NOTCH1: variants seen among roughly 807,000 people sequenced by gnomAD.
The protein encoded by NOTCH1 is notch receptor 1.
NOTCH1 carries 37 observed loss-of-function variants against 254.8 expected under a neutral mutation model. That is an observed-to-expected ratio of 0.15 (90% CI 0.11 to 0.19). The LOEUF is 0.19. NOTCH1 is among the 10% of genes least tolerant of loss of function. The pLI, the probability that NOTCH1 is intolerant of heterozygous loss-of-function variation, is 1.00. For synonymous variants in NOTCH1, 1,731 were observed against 1,618.1 expected, an observed-to-expected ratio of 1.07 and a Z score of -1.68; for missense variants, 2,972 against 3,708.6, an observed-to-expected ratio of 0.80 and a Z score of 5.16.
chr9:136,496,567 T>A lies in NOTCH1; in HGVS notation c.7172A>T (p.Gln2391Leu), dbSNP rs1169052272. ...TGGCTGCAGGTTCTGCTGCTGCATC[T>A]GTAAGTTTTGTGGCTGCACCTGCTG... The part of the protein sequence containing the change: ...QTQQVQPQNL[Q>L]MQQQNLQPAN... The change falls in exon 34 of 34, where the codon CAG (glutamine) becomes CTG (leucine). Residue 2391 changes from glutamine to leucine, a missense_variant. Physicochemically the swap from Gln to Leu is moderately radical, Grantham distance 113. Transcript: ENST00000651671. 5.6e-6 allele frequency: 9 copies of A among 1,611,808 alleles called. No individual in the cohort carries two copies. Among genetic ancestry groups the A allele is most frequent in the Non-Finnish European group, 7.6e-6 (9 of 1,179,992 alleles).
chr9:136,524,086 C>T (rs533858870), intron 2 of NOTCH1, 107 bp from the exon 3 acceptor site: 7 of 1,392,386 alleles, frequency 5.0e-6, no homozygotes, highest in East Asian at 2.5e-5. Context: ...CCCCACACCC[C>T]GGGCACGGGC....
Position 136,501,683 on chromosome 9 carries a change from G to A in NOTCH1, c.5638+65C>T, listed in dbSNP as rs780818452. The A allele has an allele frequency of 3.8e-4, 602 of 1,578,648 alleles. 3 individuals carry two copies. The highest frequency in any genetic ancestry group is 1.2e-4 in the Admixed American group (7 of 59,720). On this transcript the variant is annotated intron_variant, in intron 30 of 33. Coordinates refer to ENST00000651671, the MANE Select transcript of NOTCH1 (RefSeq NM_017617.5). ...GAGTATCAACTGTACCCCAGCCTCG[G>A]GGCTTAGGGGAGAGAGGCAGGTGGG...
In NOTCH1 at chr9:136,496,674, A is replaced by G. The variant is rs769606123; in HGVS notation, c.7065T>C (p.Ala2355=). The change falls in exon 34 of 34, where the codon GCT becomes GCC. Residue 2355 remains alanine, a synonymous_variant. Coordinates refer to ENST00000651671, the MANE Select transcript of NOTCH1 (RefSeq NM_017617.5). ...TCATCATCTGGGACAGGGCGCTGGCAGCAAGGCTACTGTGCAGCGGGCCTA... is the reference window on the plus strand; with the variant it reads ...TCATCATCTGGGACAGGGCGCTGGCGGCAAGGCTACTGTGCAGCGGGCCTA... ...GMVGPLHSSL[A]ASALSQMMSY... is the part of the protein sequence containing the mutation. 6.2e-7 allele frequency: 1 copy of G among 1,612,908 alleles called. No individual in the cohort carries two copies. The highest frequency in any genetic ancestry group is 1.7e-5 in the Admixed American group (1 of 60,028).
In NOTCH1 at chr9:136,504,689, G is replaced by T; in HGVS notation, c.5002C>A (p.Pro1668Thr). Residue 1668 changes from proline to threonine, a missense_variant, in exon 26 of 34, where the codon CCC becomes ACC. By Grantham distance (38) the Pro-to-Thr change is conservative. Coordinates refer to ENST00000651671, the MANE Select transcript of NOTCH1 (RefSeq NM_017617.5). ...EGGRRRRELD[P>T]MDVRGSIVYL... ...CTCACTCACCCGCGGACGTCCATGG[G>T]GTCCAGCTCCCTCCGCCGCCGCCCA... is the stretch of plus-strand genomic sequence containing the variant. The T allele has an allele frequency of 6.6e-7, 1 of 1,523,410 alleles. No individual in the cohort carries two copies. The highest frequency in any genetic ancestry group is 2.5e-5 in the East Asian group (1 of 40,546). 94.4% of individuals were successfully genotyped at this position (1,523,410 alleles called of 1,614,324 possible).
Position 136,540,773 on chromosome 9 carries a change from G to A in NOTCH1, c.140+3251C>T, listed in dbSNP as rs1188145337. 1.3e-5 allele frequency among the ~76,000 whole-genome samples: 2 copies of A among 152,168 alleles called. No individual in the cohort carries two copies. The highest frequency in any genetic ancestry group is 6.5e-5 in the Admixed American group (1 of 15,282). The stretch of plus-strand genomic sequence containing the variant: ...CTGGACATCCTCCTGGAGGTGCTGG[G>A]TGTGACAGCCTACCCCCATTTCTCC... On this transcript the variant is annotated intron_variant, in intron 2 of 33. Transcript: ENST00000651671. This position sits in a 1 kb window ranked among gnomAD's most constrained non-coding sequence, Gnocchi z 4.4.
At position 136,494,995 on chromosome 9, in the gene NOTCH1, C is replaced by G. The variant is rs1301137114; in HGVS notation, c.*1076G>C. 7.5e-6 allele frequency: 3 copies of G among 398,816 alleles called. No individual in the cohort carries two copies. Among genetic ancestry groups the G allele is most frequent in the Non-Finnish European group, 1.3e-5 (3 of 226,048 alleles). The allele number at this position is 398,816 out of a possible 1,614,324, so 24.7% of individuals were successfully genotyped here. On this transcript the variant is annotated 3_prime_UTR_variant, in exon 34 of 34. Transcript: ENST00000651671. ...ACGCAGCCCACGGCGTTGCACAGCT[C>G]AATGTGCCCGGCTCTGGCAAGTCTC...
intron 4 of NOTCH1, among the ~76,000 whole-genome samples, chr9:136,522,306 A>G (rs1378051746): frequency 6.6e-6 from 1 of 152,098 alleles, no homozygotes; most frequent in Non-Finnish European, 1.5e-5. Context: ...ACTCTTCCTT[A>G]TTTTTAGAGC....
Position 136,513,142 on chromosome 9 carries a change from G to C in NOTCH1, c.2354-8C>G, listed in dbSNP as rs779665060. 5 of 1,607,170 alleles carry C rather than the reference G, an allele frequency of 3.1e-6. No homozygotes were observed. In the African/African-American group the frequency reaches 4.0e-5, roughly 13 times the overall value. ...TGGTCTGGCAGTTGGGACCTGGAGG[G>C]AAGGGGACAGCACTCGGCATGTCCA... On this transcript the variant is annotated splice_polypyrimidine_tract_variant and splice_region_variant and intron_variant, in intron 14 of 33. Coordinates refer to ENST00000651671, the MANE Select transcript of NOTCH1 (RefSeq NM_017617.5). This position sits in a 1 kb window ranked among gnomAD's most constrained non-coding sequence, Gnocchi z 4.7.
In NOTCH1 at chr9:136,545,670, G is replaced by T; in HGVS notation, c.61+56C>A. 3 of 1,390,704 alleles carry T rather than the reference G, an allele frequency of 2.2e-6. No individual in the cohort carries two copies. The highest frequency in any genetic ancestry group is 1.9e-6 in the Non-Finnish European group (2 of 1,057,204). The allele number at this position is 1,390,704 out of a possible 1,614,324, so 86.1% of individuals were successfully genotyped here. A position where few individuals can be genotyped will look rare whatever the true frequency, so the allele number is the denominator to read the frequency against. ...CCGTGGGGCGCGCGCGCCGGGCGCC[G>T]CCAAAGTTTCCAAAGGGCGCGGAAA... On this transcript the variant is annotated intron_variant, in intron 1 of 33. Transcript: ENST00000651671. This position sits in a 1 kb window ranked among gnomAD's most constrained non-coding sequence, Gnocchi z 6.8.
At position 136,519,339 on chromosome 9, in the gene NOTCH1, G is replaced by C. The variant is rs887541602; in HGVS notation, c.865+104C>G. On this transcript the variant is annotated intron_variant, in intron 5 of 33. Coordinates refer to ENST00000651671, the MANE Select transcript of NOTCH1 (RefSeq NM_017617.5). ...GGCCAACCCTAGTCTGCCTGGCCTG[G>C]GACAGGGTCTCGGCTGCTCCCCGCT... The C allele has an allele frequency of 6.6e-6, 10 of 1,523,540 alleles. No individual in the cohort carries two copies. In the Admixed American group the frequency reaches 6.8e-5, roughly 10 times the overall value. The allele number at this position is 1,523,540 out of a possible 1,614,324, so 94.4% of individuals were successfully genotyped here.
At chr9:136,524,723 T>C (rs1843433330) in intron 2 of NOTCH1, among the ~76,000 whole-genome samples, 1 of 148,426 alleles carries the variant, frequency 6.7e-6, no homozygotes, top group African/African-American at 2.5e-5. Context: ...CTGCAACCTC[T>C]GCCTCCCAGG....
intron 27 of NOTCH1, chr9:136,502,841 T>C (rs1249405427): frequency 8.7e-6 from 5 of 574,982 alleles, no homozygotes; most frequent in South Asian, 5.7e-5. Flanking sequence ...ATGACACCGA[T>C]CAATTCTTCT....
In NOTCH1 at chr9:136,496,196, CAG is replaced by C. The variant is rs763016003; in HGVS notation, c.7541_7542del (p.Pro2514ArgfsTer4). On this transcript the variant is annotated frameshift_variant, in exon 34 of 34. Coordinates refer to ENST00000651671, the MANE Select transcript of NOTCH1 (RefSeq NM_017617.5). LOFTEE classifies it high-confidence loss of function. ...VPEHPFLTPSPESPDQWSSSS... is the reference protein window; with the variant it reads ...VPEHPFLTPSXESPDQWSSSS... ...GAGCTGGACCACTGGTCAGGGGACT[CAG>C]GGGACGGGGTGAGGAAGGGGTGCTC... The C allele has an allele frequency of 1.1e-5, 18 of 1,610,094 alleles. No individual in the cohort carries two copies. Among genetic ancestry groups the C allele is most frequent in the Non-Finnish European group, 1.3e-5 (15 of 1,179,174 alleles).
chr9:136,541,680 G>C (rs73668323), intron 2 of NOTCH1, among the ~76,000 whole-genome samples: 2,534 of 152,332 alleles, frequency 0.017, 61 homozygotes, highest in African/African-American at 0.058. Flanking sequence ...GTTGGGTGGG[G>C]CTCAAGCCCA....
Position 136,496,452 on chromosome 9 carries a change from C to T in NOTCH1, c.7287G>A (p.Leu2429=), listed in dbSNP as rs1320645273. The change falls in exon 34 of 34, where the codon CTG becomes CTA. Residue 2429 remains leucine, a synonymous_variant. Coordinates refer to ENST00000651671, the MANE Select transcript of NOTCH1 (RefSeq NM_017617.5). ...LGVSSAASGH[L]GRSFLSGEPS... is the part of the protein sequence containing the mutation. ...GCTCTCCACTCAGGAAGCTCCGGCC[C>T]AGGTGGCCGCTGGCTGCTGAGCTCA... 1 of 1,600,382 alleles carries T rather than the reference C, an allele frequency of 6.2e-7. No individual in the cohort carries two copies.
intron 2 of NOTCH1, among the ~76,000 whole-genome samples, chr9:136,532,964 C>A (rs1459632861): frequency 6.6e-6 from 1 of 152,230 alleles, no homozygotes; most frequent in Admixed American, 6.5e-5. Context: ...GCCCACCTGG[C>A]CCCAGGGCTG....
chr9:136,515,451 GC>G (rs779757006), intron 11 of NOTCH1, 31 bp downstream of exon 11: 10 of 1,611,092 alleles, frequency 6.2e-6, no homozygotes, highest in South Asian at 1.1e-5. Flanking sequence ...CTGCCCACTG[GC>G]CCCCCGCCGG....
chr9:136,496,738 G>A lies in NOTCH1; in HGVS notation c.7001C>T (p.Pro2334Leu), dbSNP rs370135470. 1.9e-6 allele frequency: 3 copies of A among 1,612,818 alleles called. No individual in the cohort carries two copies. Among genetic ancestry groups the A allele is most frequent in the East Asian group, 4.5e-5 (2 of 44,882 alleles). The change falls in exon 34 of 34, where the codon CCC (proline) becomes CTC (leucine). Residue 2334 changes from proline to leucine, a missense_variant. Pro to Leu is a moderately conservative substitution (Grantham distance 98). Transcript: ENST00000651671. The stretch of plus-strand genomic sequence containing the variant: ...CAGGGAGGGGGCCTGTGTGCTCAGG[G>A]GGCCTGGTGCCACACTCCCCCGCAG... The part of the protein sequence containing the change: ...NPLRGSVAPG[P>L]LSTQAPSLQH...
chr9:136,505,571 G>T lies in NOTCH1; in HGVS notation c.4325C>A (p.Pro1442Gln), dbSNP rs766146375. Reference protein sequence around the residue: ...FGGGAGRDIPPPLIEEACELP... With the variant: ...FGGGAGRDIPQPLIEEACELP... ...CTCGCACGCCTCCTCGATCAGCGGCGGGGGGATGTCGCGCCCGGCCCCACC... is the reference window on the plus strand; with the variant it reads ...CTCGCACGCCTCCTCGATCAGCGGCTGGGGGATGTCGCGCCCGGCCCCACC... The change falls in exon 25 of 34, where the codon CCG (proline) becomes CAG (glutamine). Residue 1442 changes from proline (P) to glutamine (Q), a missense_variant. Pro to Gln is a moderately conservative substitution (Grantham distance 76, BLOSUM62 -1). Around this residue, in one of 8 missense-constraint regions of NOTCH1, gnomAD observed 1,343 missense variants for 1,557.0 expected, o/e 0.86. Transcript: ENST00000651671. The T allele has an allele frequency of 6.2e-7, 1 of 1,610,262 alleles. No homozygotes were observed. Among genetic ancestry groups the T allele is most frequent in the East Asian group, 2.2e-5 (1 of 44,820 alleles).
Sources: allele counts gnomAD v4.1 joint callset (sites outside exome capture counted in the v4.1 genomes callset), GRCh38; gene constraint gnomAD v4.1.1; regional missense constraint gnomAD v4.1.1; non-coding constraint Gnocchi (gnomAD v3.1); transcripts MANE v1.5; gene names NCBI Gene and HGNC (gene_info 2026-07-23, HGNC 2026-07-21).